Variants in TRIM38 observed in about 807,000 individuals in gnomAD.
TRIM38 encodes the protein tripartite motif containing 38, also known as E3 ubiquitin-protein ligase TRIM38.
TRIM38 carries 35 observed loss-of-function variants against 35.8 expected under a neutral mutation model. The observed-to-expected ratio is 0.98, with a 90% CI of 0.75 to 1.30. The LOEUF (loss-of-function observed/expected upper bound fraction) is 1.30, where lower values mean the gene tolerates loss of function less well. Among genes scored for constraint, TRIM38 ranks in the 50% most tolerant of loss-of-function variants. The pLI is 0.00. For missense variants in TRIM38, 545 were observed against 556.9 expected (o/e 0.98, Z 0.21); for synonymous variants, 198 against 204.7 (o/e 0.97, Z 0.28).
intron 7 of TRIM38, among the ~76,000 whole-genome samples, chr6:25,982,318 G>A (rs1337296936): frequency 6.6e-6 from 1 of 152,142 alleles, no homozygotes; most frequent in African/African-American, 2.4e-5. Context: ...TCACAGCTAC[G>A]CTTAATGCAC....
At chr6:25,983,012 C>T in intron 7 of TRIM38, 152 bp from the exon 8 acceptor site, 1 of 667,496 alleles carries the variant, frequency 1.5e-6, no homozygotes. Flanking sequence ...TTGCCTGAAT[C>T]CAGGAGGTGG....
intron 4 of TRIM38, among the ~76,000 whole-genome samples, chr6:25,970,263 C>T (rs1479726805): frequency 6.6e-6 from 1 of 152,220 alleles, no homozygotes; most frequent in Non-Finnish European, 1.5e-5. Flanking sequence ...AACCTACACA[C>T]TTGCAACTAC....
chr6:25,982,733 T>C (rs1760581477), intron 7 of TRIM38, among the ~76,000 whole-genome samples: 1 of 152,216 alleles, frequency 6.6e-6, no homozygotes, highest in African/African-American at 2.4e-5. Context: ...ATGATTTGCC[T>C]AAGCTCACCC....
At chr6:25,976,143 A>G (rs1406100935) in intron 7 of TRIM38, among the ~76,000 whole-genome samples, 1 of 152,232 alleles carries the variant, frequency 6.6e-6, no homozygotes, top group Non-Finnish European at 1.5e-5. Flanking sequence ...AGAGGAGGAA[A>G]TATGACACAG....
intron 3 of TRIM38, 92 bp from the exon 4 acceptor site, chr6:25,969,233 A>T (rs749664090): frequency 5.4e-6 from 5 of 929,826 alleles, no homozygotes; most frequent in Non-Finnish European, 8.4e-6. Context: ...ATTCACTATT[A>T]TTCAAATATA....
chr6:25,969,436 C>T lies in TRIM38; in HGVS notation c.507+16C>T. ...TAAATGGAAAGTAAGAATCTGACTT[C>T]ATTGATCTCAAGCTATTTTCCATTC... On this transcript the variant is annotated intron_variant, in intron 4 of 7. Coordinates refer to ENST00000357085, the MANE Select transcript of TRIM38 (RefSeq NM_006355.5). 2 of 1,590,652 alleles carry T rather than the reference C, an allele frequency of 1.3e-6. No individual in the cohort carries two copies. The highest frequency in any genetic ancestry group is 1.7e-6 in the Non-Finnish European group (2 of 1,165,262).
chr6:25,989,492 T>A lies in TRIM38; in HGVS notation c.*5805T>A, dbSNP rs925263228. 2 of 151,360 alleles carry A rather than the reference T, an allele frequency of 1.3e-5. No homozygotes were observed. Among genetic ancestry groups the A allele is most frequent in the East Asian group, 3.9e-4 (2 of 5,148 alleles). The allele number at this position is 151,360 out of a possible 1,614,324, so 9.4% of individuals were successfully genotyped here. On this transcript the variant is annotated 3_prime_UTR_variant, in exon 8 of 8. Coordinates refer to ENST00000357085, the MANE Select transcript of TRIM38 (RefSeq NM_006355.5). ...TTGAATTAATTGATCTTTGCTATTG[T>A]TAGCAAGGTCTTGTATTCTTTTTTT...
intron 5 of TRIM38, among the ~76,000 whole-genome samples, chr6:25,972,744 T>C (rs1760276847): frequency 6.6e-6 from 1 of 152,152 alleles, no homozygotes; most frequent in South Asian, 2.1e-4. Flanking sequence ...AAGCTAGTCC[T>C]TACAGAGGGA....
intron 7 of TRIM38, among the ~76,000 whole-genome samples, chr6:25,974,500 C>T (rs963166175): frequency 2.0e-5 from 3 of 152,074 alleles, no homozygotes; most frequent in African/African-American, 7.2e-5. Flanking sequence ...ATTCATAAGC[C>T]CTGCTCACAC....
At chr6:25,972,145 C>G in intron 5 of TRIM38, 46 bp downstream of exon 5, 1 of 1,509,494 alleles carries the variant, frequency 6.6e-7, no homozygotes, top group Non-Finnish European at 9.2e-7. Flanking sequence ...TGTTATAGTG[C>G]TATTAAAGGA....
chr6:25,977,961 G>A (rs1760446117), intron 7 of TRIM38, among the ~76,000 whole-genome samples: 2 of 152,006 alleles, frequency 1.3e-5, no homozygotes, highest in Non-Finnish European at 2.9e-5. Flanking sequence ...AACATTGCAT[G>A]TTGGCTCCAT....
chr6:25,966,445 T>A lies in TRIM38; in HGVS notation c.-78T>A, dbSNP rs1161030903. 1 of 1,447,132 alleles carries A rather than the reference T, an allele frequency of 6.9e-7. No individual in the cohort carries two copies. The highest frequency in any genetic ancestry group is 9.2e-7 in the Non-Finnish European group (1 of 1,088,354). 89.6% of individuals were successfully genotyped at this position (1,447,132 alleles called of 1,614,324 possible). A position where few individuals can be genotyped will look rare whatever the true frequency, so the allele number is the denominator to read the frequency against. ...ATCACATAGAGGTGCAGGTGAGGTGTATTTTCATCACGGTGGAAAATTCTG... is the reference window on the plus strand; with the variant it reads ...ATCACATAGAGGTGCAGGTGAGGTGAATTTTCATCACGGTGGAAAATTCTG... On this transcript the variant is annotated 5_prime_UTR_variant, in exon 3 of 8. Transcript: ENST00000357085.
chr6:25,971,713 A>G (rs1192179216), intron 4 of TRIM38, among the ~76,000 whole-genome samples, 156 bp from the exon 5 acceptor site: 1 of 152,214 alleles, frequency 6.6e-6, no homozygotes, highest in Non-Finnish European at 1.5e-5. Context: ...AAAGTCTTAC[A>G]ATATTTGCCC....
In TRIM38 at chr6:25,990,286, A is replaced by G. The variant is rs1393209182; in HGVS notation, c.*6599A>G. On this transcript the variant is annotated 3_prime_UTR_variant, in exon 8 of 8. Coordinates refer to ENST00000357085, the MANE Select transcript of TRIM38 (RefSeq NM_006355.5). ...CTCTACTCAATTCTGTATCAGTAGTATGCTTTCATTTTAAATTTTAAGTTT... is the reference window on the plus strand; with the variant it reads ...CTCTACTCAATTCTGTATCAGTAGTGTGCTTTCATTTTAAATTTTAAGTTT... The G allele has an allele frequency of 1.3e-5, 2 of 152,034 alleles. No homozygotes were observed. The highest frequency in any genetic ancestry group is 4.8e-5 in the African/African-American group (2 of 41,390). 9.4% of individuals were successfully genotyped at this position (152,034 alleles called of 1,614,324 possible).
intron 7 of TRIM38, chr6:25,973,536 C>G (rs1760303994): frequency 3.1e-6 from 3 of 980,898 alleles, no homozygotes; most frequent in South Asian, 9.4e-5. Flanking sequence ...CTCCAAGTGA[C>G]TTGGTTTCCC....
chr6:25,975,063 C>T (rs1440544803), intron 7 of TRIM38: 4 of 926,434 alleles, frequency 4.3e-6, no homozygotes, highest in African/African-American at 1.8e-5. Context: ...GACAGAGTCT[C>T]GCTCTGTCGC....
At chr6:25,965,573 G>T (rs1461108708) in intron 2 of TRIM38, among the ~76,000 whole-genome samples, 1 of 152,018 alleles carries the variant, frequency 6.6e-6, no homozygotes, top group Non-Finnish European at 1.5e-5. Context: ...AGTGAGCTGT[G>T]GTCATGCCAC....
chr6:25,990,758 TCA>T lies in TRIM38; in HGVS notation c.*7074_*7075del. The T allele has an allele frequency of 6.6e-6, 1 of 151,896 alleles. No homozygotes were observed. The highest frequency in any genetic ancestry group is 1.9e-4 in the East Asian group (1 of 5,198). The allele number at this position is 151,896 out of a possible 1,614,324, so 9.4% of individuals were successfully genotyped here. A position where few individuals can be genotyped will look rare whatever the true frequency, so the allele number is the denominator to read the frequency against. ...TTTCAATTTAATTACTAATTATAATTCACAGTTATCCTTGTAACTCCTAATGT... is the reference window on the plus strand; with the variant it reads ...TTTCAATTTAATTACTAATTATAATTCAGTTATCCTTGTAACTCCTAATGT... On this transcript the variant is annotated 3_prime_UTR_variant, in exon 8 of 8. Coordinates refer to ENST00000357085, the MANE Select transcript of TRIM38 (RefSeq NM_006355.5).
chr6:25,973,278 T>G lies in TRIM38; in HGVS notation c.867T>G (p.Ser289Arg), dbSNP rs770238412. The G allele has an allele frequency of 1.2e-5, 19 of 1,613,200 alleles. No individual in the cohort carries two copies. Among genetic ancestry groups the G allele is most frequent in the Non-Finnish European group, 1.6e-5 (19 of 1,179,894 alleles). The change falls in exon 7 of 8, where the codon AGT becomes AGG. Residue 289 changes from serine (S) to arginine (R), a missense_variant. Physicochemically the swap from Ser to Arg is moderately radical, Grantham distance 110. Coordinates refer to ENST00000357085, the MANE Select transcript of TRIM38 (RefSeq NM_006355.5). The stretch of plus-strand genomic sequence containing the variant: ...TCGATGTGAAGAAAATGTTAAGGAG[T>G]CATCAAGGTATGTTCACTAAAGAAT... ...LYFDVKKMLR[S>R]HQVSVTLDPD...
Sources: allele counts gnomAD v4.1 joint callset (sites outside exome capture counted in the v4.1 genomes callset), GRCh38; gene constraint gnomAD v4.1.1; transcripts MANE v1.5; gene names NCBI Gene and HGNC (gene_info 2026-07-23, HGNC 2026-07-21).